Variants in DAGLA observed in about 807,000 individuals in gnomAD.
DAGLA encodes the protein diacylglycerol lipase alpha.
In DAGLA, 22 loss-of-function variants were observed where a neutral mutation model predicts 102.6. The observed-to-expected ratio is 0.21, with a 90% confidence interval of 0.15 to 0.31. The LOEUF (loss-of-function observed/expected upper bound fraction) is 0.31, where lower values mean the gene tolerates loss of function less well. Among genes scored for constraint, DAGLA ranks in the 10% least tolerant of loss-of-function variants. The pLI, the probability that DAGLA is intolerant of heterozygous loss-of-function variation, is 1.00. For missense variants in DAGLA, 927 were observed against 1,446.6 expected (o/e 0.64, Z 5.83); for synonymous variants, 578 against 628.9 (o/e 0.92, Z 1.21).
Position 61,737,767 on chromosome 11 carries a change from GC to G in DAGLA, c.1583+16del. On this transcript the variant is annotated intron_variant, in intron 15 of 19. Coordinates refer to ENST00000257215, the MANE Select transcript of DAGLA (RefSeq NM_006133.3). ...GACCTCGTCCCCAGGTGAGTCCTTG[GC>G]CCCGCTCCATGGTCCCTTGCCAGGC... 6.2e-7 allele frequency: 1 copy of G among 1,613,388 alleles called. No individual in the cohort carries two copies. Among genetic ancestry groups the G allele is most frequent in the Non-Finnish European group, 8.5e-7 (1 of 1,179,392 alleles).
chr11:61,700,582 C>G (rs926128063), intron 1 of DAGLA, among the ~76,000 whole-genome samples: 1 of 152,192 alleles, frequency 6.6e-6, no homozygotes, highest in African/African-American at 2.4e-5. Flanking sequence ...CCAAGGGGAA[C>G]AGATTAGATA....
At chr11:61,704,619 T>C (rs1373312042) in intron 1 of DAGLA, among the ~76,000 whole-genome samples, 4 of 152,102 alleles carry the variant, frequency 2.6e-5, no homozygotes, top group Admixed American at 2.0e-4. Context: ...CTGTGGTTTG[T>C]GTCGGGAGAG....
At chr11:61,702,121 C>A (rs189472371) in intron 1 of DAGLA, among the ~76,000 whole-genome samples, 1 of 152,192 alleles carries the variant, frequency 6.6e-6, no homozygotes, top group Non-Finnish European at 1.5e-5. Context: ...TTACTAGTTT[C>A]GAACTCCTGG....
Position 61,740,608 on chromosome 11 carries a change from G to A in DAGLA, c.1983+16G>A. On this transcript the variant is annotated intron_variant, in intron 18 of 19. Transcript: ENST00000257215. ...GCTCAACAAGGTGAGGCAGCTCCCG[G>A]CAGGGTACCACCAGGGAATAAGGCA... The A allele has an allele frequency of 1.2e-6, 2 of 1,611,926 alleles. No individual in the cohort carries two copies. Among genetic ancestry groups the A allele is most frequent in the Non-Finnish European group, 1.7e-6 (2 of 1,179,162 alleles).
At chr11:61,715,614 G>A (rs1160382223) in intron 1 of DAGLA, among the ~76,000 whole-genome samples, 7 of 152,226 alleles carry the variant, frequency 4.6e-5, no homozygotes, top group Non-Finnish European at 1.0e-4. Context: ...TTTACCAGCA[G>A]CACCGGAGCA....
rs1335690094 is a variant in DAGLA, at chr11:61,744,161, A to G, written c.2801A>G (p.Tyr934Cys). The G allele has an allele frequency of 1.9e-6, 3 of 1,612,986 alleles. No homozygotes were observed. Among genetic ancestry groups the G allele is most frequent in the African/African-American group, 1.3e-5 (1 of 75,004 alleles). The change falls in exon 20 of 20, where the codon TAC (tyrosine) becomes TGC (cysteine). Residue 934 changes from tyrosine (Y) to cysteine (C), a missense_variant. Coordinates refer to ENST00000257215, the MANE Select transcript of DAGLA (RefSeq NM_006133.3). ...DSKSSSFQDL[Y>C]CMVVPESPTS... ...AAGAGCAGCTCCTTCCAAGACCTCT[A>G]CTGCATGGTGGTGCCCGAGAGCCCC...
At chr11:61,697,895 G>C (rs971155633) in intron 1 of DAGLA, among the ~76,000 whole-genome samples, 1 of 152,058 alleles carries the variant, frequency 6.6e-6, no homozygotes, top group African/African-American at 2.4e-5. Flanking sequence ...AGGTGTCTCT[G>C]CAGTGAGGAG....
rs542686529 is a variant in DAGLA, at chr11:61,692,410, GT to G, written c.-45+11908del. Among the ~76,000 whole-genome samples the G allele has an allele frequency of 9.5e-4, 145 of 152,258 alleles. 1 individual carries two copies. Among genetic ancestry groups the G allele is most frequent in the African/African-American group, 3.3e-3 (138 of 41,544 alleles). The stretch of plus-strand genomic sequence containing the variant: ...AACTCCAGCCTCAGAGTCTCCTGGG[GT>G]TGGCCATGGTAGAACTTGGAACCTA... On this transcript the variant is annotated intron_variant, in intron 1 of 19. Transcript: ENST00000257215.
chr11:61,742,841 C>CCTCATGAGTGACCTGGGGCAGG (rs1343200430), intron 19 of DAGLA, among the ~76,000 whole-genome samples: 3 of 139,194 alleles, frequency 2.2e-5, no homozygotes, highest in Non-Finnish European at 4.7e-5. Context: ...TCCACTGTGG[C>CCTCATGAGTGACCTGGGGCAGG]CTCATGAGTG....
intron 15 of DAGLA, 138 bp from the exon 16 acceptor site, chr11:61,737,997 T>C: frequency 2.7e-6 from 2 of 734,140 alleles, no homozygotes; most frequent in Non-Finnish European, 4.6e-6. Context: ...TGTGGACACC[T>C]CTCCACCCCG....
intron 9 of DAGLA, among the ~76,000 whole-genome samples, chr11:61,733,005 G>A (rs755108478): frequency 6.6e-6 from 1 of 152,192 alleles, no homozygotes; most frequent in Non-Finnish European, 1.5e-5. Context: ...ACACATCACT[G>A]ACTCAGAGGC....
At chr11:61,741,605 CTCTTTTTTTTTT>C (rs1313443872) in intron 19 of DAGLA, among the ~76,000 whole-genome samples, 3 of 149,384 alleles carry the variant, frequency 2.0e-5, no homozygotes, top group Admixed American at 2.0e-4. Flanking sequence ...CACAGATTCA[CTCTTTTTTTTTT>C]TTTTTTTTTT....
At chr11:61,696,638 T>C (rs903405444) in intron 1 of DAGLA, among the ~76,000 whole-genome samples, 1 of 151,762 alleles carries the variant, frequency 6.6e-6, no homozygotes, top group African/African-American at 2.4e-5. Context: ...AGGCAGGAAG[T>C]GGGGTCAGCA....
rs2065421649 is a variant in DAGLA, at chr11:61,736,174, T to C, written c.1291-96T>C. On this transcript the variant is annotated intron_variant, in intron 12 of 19. Coordinates refer to ENST00000257215, the MANE Select transcript of DAGLA (RefSeq NM_006133.3). ...TTGTCACGAGGCCCAAAGGGAAAAA[T>C]GGATGGGGCAGGGTTCCTGAGCTGC... The C allele has an allele frequency of 6.7e-6, 7 of 1,038,496 alleles. No homozygotes were observed. In the Admixed American group the frequency reaches 1.3e-4, roughly 19 times the overall value. The allele number at this position is 1,038,496 out of a possible 1,614,324, so 64.3% of individuals were successfully genotyped here.
intron 1 of DAGLA, among the ~76,000 whole-genome samples, chr11:61,703,732 G>A (rs1454732856): frequency 3.4e-5 from 5 of 147,920 alleles, no homozygotes; most frequent in African/African-American, 1.2e-4. Context: ...GATTGTAGGT[G>A]CAGCTATGGG....
intron 1 of DAGLA, among the ~76,000 whole-genome samples, chr11:61,696,708 G>A (rs554761942): frequency 6.6e-6 from 1 of 152,298 alleles, no homozygotes; most frequent in African/African-American, 2.4e-5. Context: ...CCCTAGCAAG[G>A]TTTGCGTGAA....
At chr11:61,719,302 G>A (rs541580183) in intron 1 of DAGLA, among the ~76,000 whole-genome samples, 69 of 152,148 alleles carry the variant, frequency 4.5e-4, no homozygotes, top group African/African-American at 1.5e-3. Context: ...GGTGGGCTTG[G>A]GAGGTATGGT....
chr11:61,710,029 C>G (rs916371100), intron 1 of DAGLA, among the ~76,000 whole-genome samples: 1 of 152,030 alleles, frequency 6.6e-6, no homozygotes. Context: ...GGCAAGGGGG[C>G]GGGGGCCCCA....
At chr11:61,692,120 A>T (rs1179863931) in intron 1 of DAGLA, among the ~76,000 whole-genome samples, 2 of 152,152 alleles carry the variant, frequency 1.3e-5, no homozygotes, top group East Asian at 3.9e-4. Context: ...TAGTCAGTGC[A>T]TTAGAGCCTG....
Sources: gnomAD v4.1 joint callset for allele counts (sites outside exome capture counted in the v4.1 genomes callset) on GRCh38, gnomAD v4.1.1 for gene constraint, MANE v1.5 for transcripts, NCBI Gene and HGNC (gene_info 2026-07-23, HGNC 2026-07-21) for gene names.